EPRS1: variants seen among roughly 807,000 people sequenced by gnomAD.
The protein encoded by EPRS1 is bifunctional glutamate/proline--tRNA ligase.
Under a neutral mutation model 188.3 loss-of-function variants are expected in EPRS1, and 107 were observed. That is an observed-to-expected ratio of 0.57 (90% CI 0.49 to 0.67). The LOEUF is 0.67. Ranked by LOEUF, EPRS1 falls within the 30% of genes least tolerant of loss-of-function variation. The pLI, the probability that EPRS1 is intolerant of heterozygous loss-of-function variation, is 0.00. For synonymous variants in EPRS1, 596 were observed against 593.1 expected, an observed-to-expected ratio of 1.00 and a Z score of -0.07; for missense variants, 1,577 against 1,802.2, an observed-to-expected ratio of 0.88 and a Z score of 2.26.
At chr1:220,027,119 G>A (rs1324631321) in intron 6 of EPRS1, among the ~76,000 whole-genome samples, 3 of 150,044 alleles carry the variant, frequency 2.0e-5, no homozygotes, top group Non-Finnish European at 4.4e-5. Context: ...GTGAAACCCC[G>A]TCTCTACTAA....
intron 6 of EPRS1, among the ~76,000 whole-genome samples, chr1:220,025,484 G>A (rs1244490649): frequency 6.6e-6 from 1 of 151,250 alleles, no homozygotes; most frequent in African/African-American, 2.4e-5. Flanking sequence ...AACTTCAAAT[G>A]TAAAATCTCA....
chr1:220,017,025 G>A (rs1571686581), intron 12 of EPRS1, among the ~76,000 whole-genome samples: 1 of 151,922 alleles, frequency 6.6e-6, no homozygotes, highest in Non-Finnish European at 1.5e-5. Context: ...CCAGCCTGGC[G>A]AACACAGTAA....
chr1:220,046,449 C>T lies in EPRS1; in HGVS notation c.-61G>A. On this transcript the variant is annotated 5_prime_UTR_variant, in exon 1 of 32. Coordinates refer to ENST00000366923, the MANE Select transcript of EPRS1 (RefSeq NM_004446.3). ...TGGCTCGTGCCAGAACTACGGAGGA[C>T]CCCGCGAAAGGAAGAAGATGCAACG... 6.2e-7 allele frequency: 1 copy of T among 1,605,674 alleles called. No homozygotes were observed. Among genetic ancestry groups the T allele is most frequent in the Non-Finnish European group, 8.5e-7 (1 of 1,176,720 alleles).
In EPRS1 at chr1:219,988,801, T is replaced by C. The variant is rs558796704; in HGVS notation, c.2564A>G (p.Glu855Gly). 109 of 1,598,166 alleles carry C rather than the reference T, an allele frequency of 6.8e-5. No homozygotes were observed. The highest frequency in any genetic ancestry group is 8.9e-5 in the Non-Finnish European group (104 of 1,172,830). The change falls in exon 19 of 32, where the codon GAA becomes GGA. Residue 855 changes from glutamate (E) to glycine (G), a missense_variant. Around this residue, in one of 3 missense-constraint regions of EPRS1, gnomAD observed 1,278 missense variants for 1,457.4 expected, o/e 0.88. Transcript: ENST00000366923. The stretch of plus-strand genomic sequence containing the variant: ...CTGAGCCTTCAGGGACAGTAAGCAT[T>C]CTACAGCTTCATTTATTTTAGCCTA... ...SPKAKINEAV[E>G]CLLSLKAQYK...
chr1:220,027,773 G>A (rs1022843892), intron 6 of EPRS1, among the ~76,000 whole-genome samples: 7 of 151,930 alleles, frequency 4.6e-5, no homozygotes, highest in East Asian at 1.9e-4. Context: ...ACCTGAGGTC[G>A]CGAGTTCAAG....
At chr1:220,010,406 A>G (rs771262316) in intron 13 of EPRS1, among the ~76,000 whole-genome samples, 14 of 152,272 alleles carry the variant, frequency 9.2e-5, no homozygotes, top group African/African-American at 7.2e-5. Flanking sequence ...CCAACTGAGC[A>G]TAACAGTTCT....
At chr1:219,986,335 T>C (rs1364945700) in intron 20 of EPRS1, among the ~76,000 whole-genome samples, 6 of 152,234 alleles carry the variant, frequency 3.9e-5, no homozygotes, top group Admixed American at 2.0e-4. Context: ...ACATCATAGC[T>C]TGTACTTACA....
chr1:220,020,265 C>A, intron 9 of EPRS1, 44 bp from the exon 10 acceptor site: 1 of 1,220,730 alleles, frequency 8.2e-7, no homozygotes, highest in Non-Finnish European at 1.2e-6. Flanking sequence ...TTTACCCTTT[C>A]CCTCTTAGAT....
chr1:219,992,724 C>T (rs1305424339), intron 18 of EPRS1, among the ~76,000 whole-genome samples: 1 of 152,042 alleles, frequency 6.6e-6, no homozygotes, highest in Non-Finnish European at 1.5e-5. Context: ...GTCAGGAGTT[C>T]GAGACCAGCC....
chr1:219,973,062 G>C (rs566054984), intron 29 of EPRS1, among the ~76,000 whole-genome samples, 176 bp downstream of exon 29: 2 of 152,220 alleles, frequency 1.3e-5, no homozygotes, highest in Admixed American at 1.3e-4. Context: ...GTGGCACTTA[G>C]AAAAATAACC....
In EPRS1 at chr1:220,046,395, C is replaced by T; in HGVS notation, c.-7G>A. On this transcript the variant is annotated 5_prime_UTR_variant, in exon 1 of 32. Transcript: ENST00000366923. ...TCAGAGAGAGCGTCGCCATCTCCACCAGTCCGCTGGTCCACCTGTCAGTAC... is the reference window on the plus strand; with the variant it reads ...TCAGAGAGAGCGTCGCCATCTCCACTAGTCCGCTGGTCCACCTGTCAGTAC... 6.2e-7 allele frequency: 1 copy of T among 1,613,904 alleles called. No individual in the cohort carries two copies. Among genetic ancestry groups the T allele is most frequent in the Non-Finnish European group, 8.5e-7 (1 of 1,179,888 alleles).
intron 13 of EPRS1, among the ~76,000 whole-genome samples, chr1:220,009,688 T>TC (rs1571680863): frequency 3.0e-4 from 43 of 145,412 alleles, no homozygotes; most frequent in Middle Eastern, 7.6e-3. Context: ...CATTTCAAAA[T>TC]TAAGAAAAAA....
intron 1 of EPRS1, among the ~76,000 whole-genome samples, chr1:220,044,030 TG>T (rs1222430912): frequency 1.3e-5 from 2 of 152,140 alleles, no homozygotes; most frequent in Non-Finnish European, 1.5e-5. Flanking sequence ...CCAAGTTTGT[TG>T]GGGATGTACA....
In EPRS1 at chr1:219,987,503, T is replaced by C. The variant is rs545469588; in HGVS notation, c.2776-99A>G. 3,741 of 995,108 alleles carry C rather than the reference T, an allele frequency of 3.8e-3. 12 individuals are homozygous for C. Among genetic ancestry groups the C allele is most frequent in the Non-Finnish European group, 4.6e-3 (3,149 of 689,104 alleles). The allele number at this position is 995,108 out of a possible 1,614,324, so 61.6% of individuals were successfully genotyped here. A position where few individuals can be genotyped will look rare whatever the true frequency, so the allele number is the denominator to read the frequency against. ...ATACAATGCTCAAAGCTTTCTTTTT[T>C]CCGCCAATATCACACGGGGAATGTG... On this transcript the variant is annotated intron_variant, in intron 19 of 31. Transcript: ENST00000366923.
chr1:219,996,933 T>C (rs766594281), intron 18 of EPRS1, 50 bp downstream of exon 18: 25 of 1,516,166 alleles, frequency 1.6e-5, no homozygotes, highest in East Asian at 2.3e-5. Context: ...TCTAAGCAGT[T>C]TGAATTCACA....
intron 28 of EPRS1, among the ~76,000 whole-genome samples, chr1:219,974,155 G>T (rs900513053): frequency 6.6e-6 from 1 of 152,090 alleles, no homozygotes; most frequent in Non-Finnish European, 1.5e-5. Context: ...CATTGACCAG[G>T]CTGGTGTCGA....
At chr1:220,019,262 G>A (rs1661808595) in intron 10 of EPRS1, among the ~76,000 whole-genome samples, 183 bp from the exon 11 acceptor site, 1 of 151,998 alleles carries the variant, frequency 6.6e-6, no homozygotes, top group African/African-American at 2.4e-5. Context: ...GATAACTGCT[G>A]ACCTGTCAAA....
intron 17 of EPRS1, 55 bp from the exon 18 acceptor site, chr1:219,997,397 C>A: frequency 7.1e-7 from 1 of 1,412,418 alleles, no homozygotes; most frequent in South Asian, 1.5e-5. Context: ...AATGTTTTCC[C>A]ACAAAATTAT....
Position 219,997,280 on chromosome 1 carries a change from C to T in EPRS1, c.2244G>A (p.Glu748=), listed in dbSNP as rs1321887158. 3.1e-6 allele frequency: 5 copies of T among 1,613,450 alleles called. No individual in the cohort carries two copies. Among genetic ancestry groups the T allele is most frequent in the Non-Finnish European group, 4.2e-6 (5 of 1,179,608 alleles). ...CTCTATTGTAAAGGACCAAGGAATC[C>T]TCAGATGTAGTACAATTATTATTCA... is the stretch of plus-strand genomic sequence containing the variant. ...PSLNNNCTTS[E]DSLVLYNRVA... is the part of the protein sequence containing the mutation. The change falls in exon 18 of 32, where the codon GAG becomes GAA. Residue 748 remains glutamate (E), a synonymous_variant. Coordinates refer to ENST00000366923, the MANE Select transcript of EPRS1 (RefSeq NM_004446.3).
Sources: allele counts gnomAD v4.1 joint callset (sites outside exome capture counted in the v4.1 genomes callset), GRCh38; gene constraint gnomAD v4.1.1; regional missense constraint gnomAD v4.1.1; transcripts MANE v1.5; gene names NCBI Gene and HGNC (gene_info 2026-07-23, HGNC 2026-07-21).